Variants in SLC30A8 observed in about 807,000 individuals in gnomAD.
SLC30A8 encodes proton-coupled zinc antiporter SLC30A8.
A neutral mutation model predicts 36.9 loss-of-function variants in SLC30A8; 27 were observed. The ratio of observed to expected loss-of-function variants is 0.73; its 90% CI spans 0.54 to 1.01. SLC30A8 has a LOEUF of 1.01. Among genes scored for constraint, SLC30A8 ranks in the 50% least tolerant of loss-of-function variants. SLC30A8 has a pLI of 0.00. For synonymous variants in SLC30A8, 164 were observed against 172.4 expected (o/e 0.95, Z 0.38); for missense variants, 439 against 452.0 (o/e 0.97, Z 0.26).
At chr8:117,131,831 A>C (rs974136765), upstream of SLC30A8, among the ~76,000 whole-genome samples, 10 of 152,018 alleles carry the variant, frequency 6.6e-5, no homozygotes, top group Non-Finnish European at 1.0e-4. Flanking sequence ...TCCTCTTCAC[A>C]AGAACTCTGT....
intron 2 of SLC30A8, among the ~76,000 whole-genome samples, chr8:117,054,244 G>C (rs565075005): frequency 6.6e-6 from 1 of 151,990 alleles, no homozygotes; most frequent in African/African-American, 2.4e-5. Flanking sequence ...GACGACAGGC[G>C]TGTGGTACCG....
intron 2 of SLC30A8, among the ~76,000 whole-genome samples, chr8:117,048,417 ATTCTT>A (rs1447297647): frequency 6.6e-6 from 1 of 152,220 alleles, no homozygotes; most frequent in African/African-American, 2.4e-5. Context: ...GATATGTTCT[ATTCTT>A]ATACTCCCCT....
At chr8:117,020,126 GT>G (rs1484028100) in intron 1 of SLC30A8, among the ~76,000 whole-genome samples, 1 of 152,182 alleles carries the variant, frequency 6.6e-6, no homozygotes, top group Non-Finnish European at 1.5e-5. Context: ...TTTGCAGCCA[GT>G]TGTTGCAACT....
intron 2 of SLC30A8, among the ~76,000 whole-genome samples, chr8:117,057,081 G>A (rs1482415226): frequency 6.6e-6 from 1 of 152,134 alleles, no homozygotes; most frequent in African/African-American, 2.4e-5. Flanking sequence ...AAATTTAACT[G>A]TCACAGTTCT....
At chr8:117,045,189 C>T (rs1311067655) in intron 2 of SLC30A8, among the ~76,000 whole-genome samples, 1 of 152,022 alleles carries the variant, frequency 6.6e-6, no homozygotes, top group Non-Finnish European at 1.5e-5. Flanking sequence ...GGACCATTAG[C>T]CTTATTCTTC....
intron 1 of SLC30A8, among the ~76,000 whole-genome samples, chr8:117,031,693 A>G (rs969825439): frequency 6.6e-6 from 1 of 152,002 alleles, no homozygotes; most frequent in Non-Finnish European, 1.5e-5. Context: ...CAAACCCCTG[A>G]CTTCAGGTGA....
chr8:117,005,864 A>C (rs533485257), intron 1 of SLC30A8, among the ~76,000 whole-genome samples: 19 of 152,282 alleles, frequency 1.2e-4, no homozygotes, highest in African/African-American at 4.3e-4. Context: ...TTGCCATTTC[A>C]CTTGGCAATA....
intron 1 of SLC30A8, among the ~76,000 whole-genome samples, chr8:117,138,101 G>A (rs115252479): frequency 1.5e-3 from 227 of 147,954 alleles, no homozygotes; most frequent in African/African-American, 5.1e-3. Flanking sequence ...AAAAAAAGTC[G>A]TGTAAAGTTG....
At position 117,012,429 on chromosome 8, in the gene SLC30A8, G is replaced by A. The variant is rs373484362; in HGVS notation, c.-265-26790G>A. On this transcript the variant is annotated intron_variant, in intron 1 of 10. Coordinates refer to the SLC30A8 transcript ENST00000427715. The stretch of plus-strand genomic sequence containing the variant: ...ATTGAAAATATTAAAAAAAAAATGT[G>A]TCCCTACTGAACACATACAGACTTT... Among the ~76,000 whole-genome samples, 44 of 151,810 alleles carry A rather than the reference G, an allele frequency of 2.9e-4. No homozygotes were observed. The South Asian group carries it at 5.2e-3, about 18-fold the overall frequency.
intron 1 of SLC30A8, among the ~76,000 whole-genome samples, chr8:116,962,809 T>C (rs1459522958): frequency 6.6e-6 from 1 of 152,026 alleles, no homozygotes; most frequent in Non-Finnish European, 1.5e-5. Flanking sequence ...TTAGAAGGAT[T>C]ACTTCGTGAA....
At chr8:117,127,105 G>A (rs1332452155) in intron 2 of SLC30A8, among the ~76,000 whole-genome samples, 1 of 151,734 alleles carries the variant, frequency 6.6e-6, no homozygotes, top group Admixed American at 6.6e-5. Flanking sequence ...ACCTGTCCTT[G>A]GGTTTTTGTT....
chr8:117,166,242 A>G (rs1332413977), intron 6 of SLC30A8, among the ~76,000 whole-genome samples: 1 of 152,212 alleles, frequency 6.6e-6, no homozygotes. Context: ...TCCCATACAT[A>G]TGTACAATTA....
At chr8:117,134,025 T>A (rs568750160), upstream of SLC30A8, among the ~76,000 whole-genome samples, 12 of 152,098 alleles carry the variant, frequency 7.9e-5, no homozygotes, top group African/African-American at 2.9e-4. Context: ...ACAGATGTGA[T>A]AGGAGACCTA....
At chr8:117,021,205 G>A (rs1816686200) in intron 1 of SLC30A8, among the ~76,000 whole-genome samples, 1 of 152,126 alleles carries the variant, frequency 6.6e-6, no homozygotes, top group African/African-American at 2.4e-5. Context: ...ACCATGTAGA[G>A]CTTTTCAAAA....
rs943687703 is a variant in SLC30A8, at chr8:116,955,245, A to G, written c.-266+4126A>G. 3.6e-4 allele frequency among the ~76,000 whole-genome samples: 55 copies of G among 152,210 alleles called. 1 individual carries two copies. The highest frequency in any genetic ancestry group is 3.5e-3 in the Admixed American group (53 of 15,272). On this transcript the variant is annotated intron_variant, in intron 1 of 10. Transcript: ENST00000427715. ...AAATAGGGTCTTTGCAGATGCAATT[A>G]ATTAAGATAAGGTCATTTTGGGCTA...
At chr8:116,974,177 A>C (rs1032976845) in intron 1 of SLC30A8, among the ~76,000 whole-genome samples, 1 of 152,240 alleles carries the variant, frequency 6.6e-6, no homozygotes, top group South Asian at 2.1e-4. Flanking sequence ...ACAAAAGCCA[A>C]AATAGACAAA....
intron 2 of SLC30A8, among the ~76,000 whole-genome samples, chr8:117,126,173 G>A (rs1820897556): frequency 6.6e-6 from 1 of 150,796 alleles, no homozygotes; most frequent in Non-Finnish European, 1.5e-5. Flanking sequence ...CATGTTAGTT[G>A]ACTTGACAAC....
intron 6 of SLC30A8, among the ~76,000 whole-genome samples, chr8:117,165,185 G>A (rs1026649917): frequency 7.9e-5 from 12 of 152,108 alleles, no homozygotes; most frequent in Non-Finnish European, 5.9e-5. Flanking sequence ...AATCTCCTCT[G>A]AACTTCAGTT....
chr8:117,068,519 GCTT>G (rs576701512), intron 2 of SLC30A8, among the ~76,000 whole-genome samples: 71 of 152,030 alleles, frequency 4.7e-4, no homozygotes, highest in African/African-American at 1.4e-3. Context: ...CCTCTCAACT[GCTT>G]CTCTCCACAT....
Sources: gnomAD v4.1 joint callset for allele counts (sites outside exome capture counted in the v4.1 genomes callset) on GRCh38, gnomAD v4.1.1 for gene constraint, MANE v1.5 for transcripts, NCBI Gene and HGNC (gene_info 2026-07-23, HGNC 2026-07-21) for gene names.